PGCKA1: variants seen among roughly 807,000 people sequenced by gnomAD.
PGCKA1 encodes PDCD10 and GCKIII kinases-associated protein 1.
the PGCKA1 span, among the ~76,000 whole-genome samples, chr4:37,543,345 A>G: frequency 6.6e-6 from 1 of 152,134 alleles, no homozygotes; most frequent in African/African-American, 2.4e-5. Flanking sequence ...CTGTGTAAAT[A>G]CTTTTGAAAG....
chr4:37,550,817 G>T, the PGCKA1 span, among the ~76,000 whole-genome samples: 1 of 152,072 alleles, frequency 6.6e-6, no homozygotes, highest in Non-Finnish European at 1.5e-5. Flanking sequence ...GAGATCAATG[G>T]CCATGGGAAT....
the PGCKA1 span, among the ~76,000 whole-genome samples, chr4:37,470,557 G>T: frequency 4.1e-4 from 63 of 152,222 alleles, 1 homozygote; most frequent in South Asian, 0.012. Flanking sequence ...TTAAATACTT[G>T]CAAATGCATG....
the PGCKA1 span, among the ~76,000 whole-genome samples, chr4:37,548,025 G>C: frequency 5.6e-4 from 85 of 150,988 alleles, no homozygotes; most frequent in Middle Eastern, 3.4e-3. Flanking sequence ...AAAAAAAAGG[G>C]GGGGAGGCAG....
chr4:37,546,653 C>T, the PGCKA1 span, among the ~76,000 whole-genome samples: 8 of 152,220 alleles, frequency 5.3e-5, no homozygotes, highest in South Asian at 2.1e-4. Flanking sequence ...GTTTTCCCTG[C>T]GGCTCATCCT....
At chr4:37,528,383 G>A in the PGCKA1 span, among the ~76,000 whole-genome samples, 1 of 152,116 alleles carries the variant, frequency 6.6e-6, no homozygotes, top group Admixed American at 6.5e-5. Flanking sequence ...ACCTGCAGCC[G>A]CATCTCACCC....
At chr4:37,560,175 C>T in the PGCKA1 span, among the ~76,000 whole-genome samples, 1 of 152,224 alleles carries the variant, frequency 6.6e-6, no homozygotes, top group Non-Finnish European at 1.5e-5. Context: ...ATGCCACCAT[C>T]TCTTATGGCT....
the PGCKA1 span, among the ~76,000 whole-genome samples, chr4:37,502,127 C>G: frequency 1.3e-5 from 2 of 152,222 alleles, no homozygotes; most frequent in Admixed American, 1.3e-4. Context: ...CCACTAGGCA[C>G]TACACTCTGA....
chr4:37,543,537 C>T, the PGCKA1 span, among the ~76,000 whole-genome samples: 1 of 152,144 alleles, frequency 6.6e-6, no homozygotes, highest in Admixed American at 6.5e-5. Flanking sequence ...CTGTTCATTT[C>T]ATCTCTTGAA....
the PGCKA1 span, among the ~76,000 whole-genome samples, chr4:37,587,062 A>G: frequency 1.1e-4 from 17 of 152,318 alleles, no homozygotes; most frequent in African/African-American, 3.8e-4. Context: ...CAGAGGCTCC[A>G]GGGGTGAATC....
At chr4:37,478,456 G>A in the PGCKA1 span, among the ~76,000 whole-genome samples, 2 of 152,084 alleles carry the variant, frequency 1.3e-5, no homozygotes, top group Non-Finnish European at 2.9e-5. Context: ...AAAAAAAATG[G>A]ATTAATTATT....
chr4:37,459,822 GT>G, the PGCKA1 span, among the ~76,000 whole-genome samples: 42 of 140,326 alleles, frequency 3.0e-4, 1 homozygote, highest in South Asian at 7.0e-4. Context: ...TTTTAGCTTG[GT>G]TTTTTTTTTT....
At chr4:37,454,823 A>G in the PGCKA1 span, among the ~76,000 whole-genome samples, 1 of 152,152 alleles carries the variant, frequency 6.6e-6, no homozygotes, top group Non-Finnish European at 1.5e-5. Context: ...ATGGCAATTG[A>G]CCTTAAAAAC....
chr4:37,551,498 C>CA, the PGCKA1 span, among the ~76,000 whole-genome samples: 2 of 151,922 alleles, frequency 1.3e-5, no homozygotes, highest in Non-Finnish European at 1.5e-5. Flanking sequence ...TCTGGCCCGG[C>CA]AAAAAAACCC....
chr4:37,483,447 C>T, the PGCKA1 span, among the ~76,000 whole-genome samples: 1 of 152,162 alleles, frequency 6.6e-6, no homozygotes, highest in African/African-American at 2.4e-5. Context: ...CTTTGTTCCT[C>T]CACACCCTAC....
the PGCKA1 span, among the ~76,000 whole-genome samples, chr4:37,533,072 G>C: frequency 6.6e-6 from 1 of 152,084 alleles, no homozygotes; most frequent in African/African-American, 2.4e-5. Context: ...TATGTAACCA[G>C]ATACCACCTG....
the PGCKA1 span, among the ~76,000 whole-genome samples, chr4:37,511,128 G>A: frequency 6.6e-6 from 1 of 152,020 alleles, no homozygotes; most frequent in African/African-American, 2.4e-5. Context: ...CCCAGGGCAG[G>A]TCCAAGAATG....
At chr4:37,557,484 G>C in the PGCKA1 span, among the ~76,000 whole-genome samples, 6 of 152,286 alleles carry the variant, frequency 3.9e-5, no homozygotes, top group Admixed American at 3.9e-4. Flanking sequence ...AGCAGATTTG[G>C]CGTCTGGTGA....
the PGCKA1 span, among the ~76,000 whole-genome samples, chr4:37,571,186 A>G: frequency 6.6e-6 from 1 of 152,062 alleles, no homozygotes; most frequent in African/African-American, 2.4e-5. Flanking sequence ...CTAAGATGCA[A>G]CAACAGCCTG....
At chr4:37,528,355 C>T in the PGCKA1 span, among the ~76,000 whole-genome samples, 23,499 of 152,076 alleles carry the variant, frequency 0.15, 1,898 homozygotes, top group East Asian at 0.26. Context: ...TAAGCAATAG[C>T]TGTGAGCCAC....
Sources: allele counts gnomAD v4.1 joint callset (sites outside exome capture counted in the v4.1 genomes callset), GRCh38; gene constraint gnomAD v4.1.1; transcripts MANE v1.5; gene names NCBI Gene and HGNC (gene_info 2026-07-23, HGNC 2026-07-21).